Variants in ESR1 observed in about 807,000 individuals in gnomAD.
The protein encoded by ESR1 is estrogen receptor 1.
A neutral mutation model predicts 52.7 loss-of-function variants in ESR1; 12 were observed. The ratio of observed to expected loss-of-function variants is 0.23; its 90% confidence interval spans 0.15 to 0.37. The LOEUF (loss-of-function observed/expected upper bound fraction) is 0.37. ESR1 is among the 10% of genes least tolerant of loss of function. The pLI, the probability that ESR1 is intolerant of heterozygous loss-of-function variation, is 1.00. For missense variants in ESR1, 584 were observed against 779.7 expected (o/e 0.75, Z 2.99); for synonymous variants, 305 against 316.8 (o/e 0.96, Z 0.39).
intron 5 of ESR1, among the ~76,000 whole-genome samples, chr6:152,044,346 C>T (rs182217238): frequency 8.7e-4 from 133 of 152,268 alleles, no homozygotes; most frequent in African/African-American, 3.1e-3. Context: ...GAAATCCATC[C>T]GTAAAATTCT....
At chr6:151,880,523 C>A in intron 2 of ESR1, 132 bp from the exon 3 acceptor site, 1 of 749,300 alleles carries the variant, frequency 1.3e-6, no homozygotes, top group Non-Finnish European at 2.4e-6. Flanking sequence ...CAGAAAAAGG[C>A]AGGCAGGCTG....
At chr6:151,927,007 T>G (rs1176130335) in intron 3 of ESR1, among the ~76,000 whole-genome samples, 1 of 152,158 alleles carries the variant, frequency 6.6e-6, no homozygotes, top group East Asian at 1.9e-4. Context: ...TATATGAAAT[T>G]GAGGAAATTT....
At chr6:151,708,177 A>ATG (rs1338200013) in intron 2 of ESR1, among the ~76,000 whole-genome samples, 1 of 152,056 alleles carries the variant, frequency 6.6e-6, no homozygotes, top group African/African-American at 2.4e-5. Context: ...TACATAATAT[A>ATG]TGTGTGTGTG....
At position 151,808,016 on chromosome 6, in the gene ESR1, T is replaced by C. The variant is rs1391419251; in HGVS notation, c.104T>C (p.Leu35Pro). 1 of 1,613,732 alleles carries C rather than the reference T, an allele frequency of 6.2e-7. No homozygotes were observed. ...PLNRPQLKIPLERPLGEVYLD... is the reference protein window; with the variant it reads ...PLNRPQLKIPPERPLGEVYLD... ...AACCGTCCGCAGCTCAAGATCCCCCTGGAGCGGCCCCTGGGCGAGGTGTAC... is the reference window on the plus strand; with the variant it reads ...AACCGTCCGCAGCTCAAGATCCCCCCGGAGCGGCCCCTGGGCGAGGTGTAC... The change falls in exon 1 of 8, where the codon CTG becomes CCG. Residue 35 changes from leucine (L) to proline (P), a missense_variant. By Grantham distance (98) the Leu-to-Pro change is moderately conservative. Coordinates refer to ENST00000206249, the MANE Select transcript of ESR1 (RefSeq NM_000125.4).
At chr6:151,925,619 A>G (rs757482787) in intron 3 of ESR1, among the ~76,000 whole-genome samples, 8 of 152,168 alleles carry the variant, frequency 5.3e-5, no homozygotes, top group Non-Finnish European at 1.0e-4. Context: ...AAATACATAC[A>G]TACATACATA....
intron 4 of ESR1, among the ~76,000 whole-genome samples, chr6:151,978,268 A>G (rs2039653975): frequency 2.0e-5 from 3 of 152,200 alleles, no homozygotes; most frequent in Non-Finnish European, 4.4e-5. Flanking sequence ...TAGAATGGAT[A>G]TAGCAGAAGA....
At chr6:152,036,328 C>A (rs1419782991) in intron 5 of ESR1, among the ~76,000 whole-genome samples, 3 of 152,122 alleles carry the variant, frequency 2.0e-5, no homozygotes, top group Non-Finnish European at 4.4e-5. Flanking sequence ...CCACTGCACT[C>A]CAGCCTGGGC....
intron 4 of ESR1, among the ~76,000 whole-genome samples, chr6:152,008,958 G>T (rs1168348315): frequency 6.6e-6 from 1 of 152,062 alleles, no homozygotes; most frequent in African/African-American, 2.4e-5. Flanking sequence ...AAACCAGTTT[G>T]GCTTATCCTA....
At chr6:151,847,782 T>A (rs1785405645) in intron 2 of ESR1, among the ~76,000 whole-genome samples, 1 of 142,624 alleles carries the variant, frequency 7.0e-6, no homozygotes, top group African/African-American at 2.6e-5. Flanking sequence ...TTGTTGCCAT[T>A]GCTTTTGGTG....
chr6:151,849,663 T>G (rs1453401049), intron 2 of ESR1, among the ~76,000 whole-genome samples: 1 of 150,386 alleles, frequency 6.6e-6, no homozygotes, highest in East Asian at 2.0e-4. Context: ...AAAATAATAA[T>G]GATAGATAAA....
At chr6:152,111,149 T>C (rs1307668785) in intron 6 of ESR1, among the ~76,000 whole-genome samples, 1 of 152,134 alleles carries the variant, frequency 6.6e-6, no homozygotes, top group Admixed American at 6.5e-5. Flanking sequence ...GACCATCTCA[T>C]GGCCCAGGAA....
chr6:151,784,264 A>G (rs75854132), intron 2 of ESR1, among the ~76,000 whole-genome samples: 3,033 of 152,180 alleles, frequency 0.02, 93 homozygotes, highest in African/African-American at 0.068. Flanking sequence ...AGATTTGTCT[A>G]TTCTCCCCTA....
At chr6:152,081,354 A>C (rs906350814) in intron 6 of ESR1, among the ~76,000 whole-genome samples, 18 of 152,132 alleles carry the variant, frequency 1.2e-4, no homozygotes, top group Non-Finnish European at 2.2e-4. Flanking sequence ...TGGAAACTGA[A>C]CAACCTGCTC....
intron 4 of ESR1, among the ~76,000 whole-genome samples, chr6:151,961,188 A>G (rs984133650): frequency 6.6e-6 from 1 of 152,056 alleles, no homozygotes; most frequent in Non-Finnish European, 1.5e-5. Context: ...CAAAGTAGTG[A>G]GTGTAAAAAG....
At chr6:151,974,502 G>A (rs2039242157) in intron 4 of ESR1, among the ~76,000 whole-genome samples, 1 of 152,110 alleles carries the variant, frequency 6.6e-6, no homozygotes, top group African/African-American at 2.4e-5. Context: ...AGAGGAAAGA[G>A]CCTAGGACTT....
upstream of ESR1, chr6:151,805,932 G>A (rs1317128314): frequency 6.6e-6 from 1 of 152,168 alleles, no homozygotes; most frequent in African/African-American, 2.4e-5. Flanking sequence ...TGTTCTCCAT[G>A]GGGGTATGTG....
intron 5 of ESR1, among the ~76,000 whole-genome samples, chr6:152,046,764 T>C (rs191994404): frequency 6.6e-6 from 1 of 152,318 alleles, no homozygotes; most frequent in Admixed American, 6.5e-5. Flanking sequence ...ACAGGCCTTG[T>C]TTGTGAACTG....
intron 1 of ESR1, among the ~76,000 whole-genome samples, chr6:151,658,336 T>C (rs1777526691): frequency 6.6e-6 from 1 of 152,238 alleles, no homozygotes. Flanking sequence ...CTCACGAAAG[T>C]ACTTATTGAT....
intron 4 of ESR1, among the ~76,000 whole-genome samples, chr6:151,958,117 C>A (rs937974352): frequency 2.4e-4 from 37 of 152,142 alleles, no homozygotes; most frequent in African/African-American, 7.7e-4. Context: ...TAAATGAGTT[C>A]TTTTAATAAA....
Sources: allele counts gnomAD v4.1 joint callset (sites outside exome capture counted in the v4.1 genomes callset), GRCh38; gene constraint gnomAD v4.1.1; transcripts MANE v1.5; gene names NCBI Gene and HGNC (gene_info 2026-07-23, HGNC 2026-07-21).